Variants in TFB1M observed in about 807,000 individuals in gnomAD.
TFB1M encodes the protein dimethyladenosine transferase 1, mitochondrial.
TFB1M carries 27 observed loss-of-function variants against 31.1 expected under a neutral mutation model. That is an observed-to-expected ratio of 0.87 (90% confidence interval 0.64 to 1.20). TFB1M has a LOEUF of 1.20. TFB1M is among the 50% of genes most tolerant of loss of function. TFB1M has a pLI of 0.00. For synonymous variants in TFB1M, 166 were observed against 151.8 expected, an observed-to-expected ratio of 1.09 and a Z score of -0.69; for missense variants, 394 against 418.7, an observed-to-expected ratio of 0.94 and a Z score of 0.51.
chr6:155,303,828 T>A (rs1050064175), intron 2 of TFB1M, among the ~76,000 whole-genome samples: 1 of 152,188 alleles, frequency 6.6e-6, no homozygotes, highest in South Asian at 2.1e-4. Flanking sequence ...ATCTTTGCAA[T>A]ATCCACAGAA....
chr6:155,297,118 A>G lies in TFB1M; in HGVS notation c.395-14T>C. On this transcript the variant is annotated splice_polypyrimidine_tract_variant and intron_variant, in intron 3 of 6. Transcript: ENST00000367166. ...CATTTGGAGGATCTGGTGGCAGAGG[A>G]AAAAACAACCTGAAATGATTCCATC... The G allele has an allele frequency of 6.2e-7, 1 of 1,612,262 alleles. No homozygotes were observed. The highest frequency in any genetic ancestry group is 8.5e-7 in the Non-Finnish European group (1 of 1,179,490).
the TFB1M span, chr6:155,244,715 G>A: frequency 6.2e-7 from 1 of 1,614,110 alleles, no homozygotes; most frequent in Non-Finnish European, 8.5e-7. Context: ...GGTGTTTCTG[G>A]AGACCCTGGA....
chr6:155,242,452 G>T, the TFB1M span, among the ~76,000 whole-genome samples: 5 of 152,332 alleles, frequency 3.3e-5, no homozygotes, highest in African/African-American at 9.6e-5. Context: ...TCTCTGAGCG[G>T]TCTGGCGTGG....
chr6:155,304,622 GA>G, intron 2 of TFB1M, among the ~76,000 whole-genome samples: 1 of 151,994 alleles, frequency 6.6e-6, no homozygotes. Flanking sequence ...AAAAACAGTA[GA>G]AAGTATCAAA....
chr6:155,252,590 T>C (rs1213907424), downstream of TFB1M, among the ~76,000 whole-genome samples: 1 of 152,244 alleles, frequency 6.6e-6, no homozygotes, highest in East Asian at 1.9e-4. Flanking sequence ...TGTGAAACTT[T>C]GGTTTATTTT....
chr6:155,256,295 TA>T lies in TFB1M; in HGVS notation c.*1540del. 2 of 810,380 alleles carry T rather than the reference TA, an allele frequency of 2.5e-6. No homozygotes were observed. The highest frequency in any genetic ancestry group is 1.9e-6 in the Non-Finnish European group (1 of 524,436). The allele number at this position is 810,380 out of a possible 1,614,324, so 50.2% of individuals were successfully genotyped here. On this transcript the variant is annotated 3_prime_UTR_variant, in exon 7 of 7. Transcript: ENST00000367166. Reference sequence around the variant, plus strand: ...TGCTGAATTGCCTAACTTACAACTGTAAACCTAAGTCAAAAATGTCCATGTT... The same window carrying T: ...TGCTGAATTGCCTAACTTACAACTGTAACCTAAGTCAAAAATGTCCATGTT...
chr6:155,260,585 C>T, intron 5 of TFB1M, 185 bp from the exon 6 acceptor site: 1 of 721,134 alleles, frequency 1.4e-6, no homozygotes, highest in South Asian at 1.6e-5. Context: ...TCGCAAATGA[C>T]ATGGAGAAAT....
downstream of TFB1M, chr6:155,253,841 C>A: frequency 1.5e-6 from 1 of 647,520 alleles, no homozygotes; most frequent in Non-Finnish European, 2.6e-6. Flanking sequence ...TAGAACAAGC[C>A]ACAGAAGAAA....
intron 6 of TFB1M, among the ~76,000 whole-genome samples, chr6:155,258,695 G>A (rs1353139675): frequency 6.6e-6 from 1 of 152,110 alleles, no homozygotes; most frequent in East Asian, 1.9e-4. Flanking sequence ...GAAATGCTGC[G>A]GAGTTAGGCC....
In TFB1M at chr6:155,256,341, C is replaced by T. The variant is rs1784023361; in HGVS notation, c.*1495G>A. ...CATGTTTTCAGTAGCTACATTTTTG[C>T]CTAATTACCAGGATAGTTGCTAACT... is the stretch of plus-strand genomic sequence containing the variant. On this transcript the variant is annotated 3_prime_UTR_variant, in exon 7 of 7. Coordinates refer to ENST00000367166, the MANE Select transcript of TFB1M (RefSeq NM_016020.4). The T allele has an allele frequency of 4.9e-6, 6 of 1,234,560 alleles. No individual in the cohort carries two copies. The highest frequency in any genetic ancestry group is 5.4e-5 in the Admixed American group (2 of 36,820). 76.5% of individuals were successfully genotyped at this position (1,234,560 alleles called of 1,614,324 possible).
At chr6:155,253,990 A>G (rs115968828), downstream of TFB1M, 90 of 1,613,398 alleles carry the variant, frequency 5.6e-5, 2 homozygotes, top group African/African-American at 9.6e-4. Context: ...AAATAATTCC[A>G]TATGGGAACT....
At position 155,256,924 on chromosome 6, in the gene TFB1M, C is replaced by T. The variant is rs1784086177; in HGVS notation, c.*912G>A. On this transcript the variant is annotated 3_prime_UTR_variant, in exon 7 of 7. Coordinates refer to ENST00000367166, the MANE Select transcript of TFB1M (RefSeq NM_016020.4). The stretch of plus-strand genomic sequence containing the variant: ...CCGGGGGCACTTCTGCCCCATTAAA[C>T]GAAAAGCCAACAGCACCAAGAGGGA... The T allele has an allele frequency of 5.6e-6, 9 of 1,614,164 alleles. No individual in the cohort carries two copies. Among genetic ancestry groups the T allele is most frequent in the Non-Finnish European group, 7.6e-6 (9 of 1,180,030 alleles).
Position 155,257,200 on chromosome 6 carries a change from A to AC in TFB1M, c.*635_*636insG. On this transcript the variant is annotated 3_prime_UTR_variant, in exon 7 of 7. Transcript: ENST00000367166. ...GTAAAGTGGAAATTGCAAAAAAAAA[A>AC]AAAAAAAAAAACTGTTCATTCCTGG... 1 of 1,426,330 alleles carries AC rather than the reference A, an allele frequency of 7.0e-7. No individual in the cohort carries two copies. Among genetic ancestry groups the AC allele is most frequent in the Non-Finnish European group, 9.5e-7 (1 of 1,051,182 alleles). 88.4% of individuals were successfully genotyped at this position (1,426,330 alleles called of 1,614,324 possible).
Position 155,257,700 on chromosome 6 carries a change from A to T in TFB1M, c.*136T>A. Reference sequence around the variant, plus strand: ...ATATTTATTTTCTCTGCCAAGCTGTATAGTAAAAGGAAAATAAGTCACATC... The same window carrying T: ...ATATTTATTTTCTCTGCCAAGCTGTTTAGTAAAAGGAAAATAAGTCACATC... On this transcript the variant is annotated 3_prime_UTR_variant, in exon 7 of 7. Transcript: ENST00000367166. The T allele has an allele frequency of 1.0e-6, 1 of 1,004,370 alleles. No homozygotes were observed. The highest frequency in any genetic ancestry group is 1.5e-6 in the Non-Finnish European group (1 of 667,268). 62.2% of individuals were successfully genotyped at this position (1,004,370 alleles called of 1,614,324 possible).
chr6:155,251,617 T>C (rs929515755), downstream of TFB1M, among the ~76,000 whole-genome samples: 6 of 152,160 alleles, frequency 3.9e-5, no homozygotes, highest in African/African-American at 1.4e-4. Context: ...GTCTGCTGTA[T>C]TTCAAATGTT....
chr6:155,306,262 T>C (rs1303820402), intron 2 of TFB1M, among the ~76,000 whole-genome samples: 1 of 152,168 alleles, frequency 6.6e-6, no homozygotes, highest in Non-Finnish European at 1.5e-5. Context: ...GAATGTAATA[T>C]GGCACAGTCA....
At chr6:155,312,284 G>A (rs1380786083) in intron 1 of TFB1M, among the ~76,000 whole-genome samples, 3 of 152,136 alleles carry the variant, frequency 2.0e-5, no homozygotes, top group African/African-American at 7.2e-5. Context: ...CTTTTAACAG[G>A]GAGGGAATTA....
chr6:155,249,983 C>CT, the TFB1M span: 1 of 1,599,418 alleles, frequency 6.3e-7, no homozygotes, highest in Non-Finnish European at 8.5e-7. Flanking sequence ...CGTGAGACAT[C>CT]TGCACCCTGG....
At chr6:155,281,881 A>T (rs1185049200) in intron 5 of TFB1M, among the ~76,000 whole-genome samples, 1 of 152,054 alleles carries the variant, frequency 6.6e-6, no homozygotes, top group Non-Finnish European at 1.5e-5. Context: ...CAAACTTGAG[A>T]AATGTGCAGA....
Sources: gnomAD v4.1 joint callset for allele counts (sites outside exome capture counted in the v4.1 genomes callset) on GRCh38, gnomAD v4.1.1 for gene constraint, MANE v1.5 for transcripts, NCBI Gene and HGNC (gene_info 2026-07-23, HGNC 2026-07-21) for gene names.